Variants in PARP11 observed in about 807,000 individuals in gnomAD.
PARP11 encodes protein mono-ADP-ribosyltransferase PARP11.
Under a neutral mutation model 42.9 loss-of-function variants are expected in PARP11, and 31 were observed. That is an observed-to-expected ratio of 0.72 (90% CI 0.54 to 0.98). The LOEUF is 0.98. Ranked by LOEUF, PARP11 falls within the 50% of genes least tolerant of loss-of-function variation. The pLI, the probability that PARP11 is intolerant of heterozygous loss-of-function variation, is 0.00. For missense variants in PARP11, 365 were observed against 413.1 expected, an observed-to-expected ratio of 0.88 and a Z score of 1.01; for synonymous variants, 137 against 127.3, an observed-to-expected ratio of 1.08 and a Z score of -0.51.
At chr12:3,851,993 G>A (rs573061734) in intron 1 of PARP11, among the ~76,000 whole-genome samples, 1 of 152,348 alleles carries the variant, frequency 6.6e-6, no homozygotes, top group South Asian at 2.1e-4. Context: ...AGGCAAACAG[G>A]TTCTGGAGTG....
Position 3,840,823 on chromosome 12 carries a change from A to G in PARP11, c.19-10805T>C. 1 of 1,595,022 alleles carries G rather than the reference A, an allele frequency of 6.3e-7. No homozygotes were observed. Among genetic ancestry groups the G allele is most frequent in the Non-Finnish European group, 8.6e-7 (1 of 1,162,544 alleles). On this transcript the variant is annotated intron_variant, in intron 1 of 7. Transcript: ENST00000228820. The surrounding 1 kb of genome is among the most constrained non-coding windows in gnomAD (Gnocchi z 4.4). ...AACAGTTTCATCACCATCAAAGTCA[A>G]AGAAGTTAGAGTGCCCTTCTCCTGC...
intron 6 of PARP11, chr12:3,814,930 G>C (rs529742446): frequency 2.4e-6 from 1 of 411,300 alleles, no homozygotes; most frequent in African/African-American, 2.1e-5. Context: ...ATAATACTGT[G>C]TATTATGTAG....
intron 1 of PARP11, among the ~76,000 whole-genome samples, chr12:3,832,648 G>C (rs566434114): frequency 1.1e-4 from 17 of 152,300 alleles, no homozygotes; most frequent in African/African-American, 4.1e-4. Context: ...TATGCTCAAA[G>C]AGTTAAGTCA....
chr12:3,827,936 CTT>C (rs1947560717), intron 3 of PARP11, among the ~76,000 whole-genome samples: 1 of 152,230 alleles, frequency 6.6e-6, no homozygotes, highest in Non-Finnish European at 1.5e-5. Context: ...CCATCCAGGT[CTT>C]GTTTGCCTCT....
At position 3,810,800 on chromosome 12, in the gene PARP11, CAGA is replaced by C. The variant is rs1947162030; in HGVS notation, c.*1320_*1322del. ...GAGGAAGAGAAGAGGAAGAGGAAGA[CAGA>C]AGAGAAGAGAAAGAAGAGAAGAGAA... On this transcript the variant is annotated 3_prime_UTR_variant, in exon 8 of 8. Coordinates refer to ENST00000228820, the MANE Select transcript of PARP11 (RefSeq NM_020367.6). 6.7e-6 allele frequency: 1 copy of C among 148,992 alleles called. No individual in the cohort carries two copies. Among genetic ancestry groups the C allele is most frequent in the Non-Finnish European group, 1.5e-5 (1 of 67,388 alleles). The allele number at this position is 148,992 out of a possible 1,614,324, so 9.2% of individuals were successfully genotyped here.
chr12:3,867,565 T>A (rs1370720743), intron 1 of PARP11, among the ~76,000 whole-genome samples: 1 of 152,220 alleles, frequency 6.6e-6, no homozygotes, highest in Non-Finnish European at 1.5e-5. Context: ...CAAAATACCC[T>A]GATTTTTAAT....
intron 1 of PARP11, among the ~76,000 whole-genome samples, chr12:3,838,853 C>A (rs572928825): frequency 1.3e-5 from 2 of 152,266 alleles, no homozygotes; most frequent in East Asian, 1.9e-4. Flanking sequence ...GGGGAGCGCG[C>A]GGGGGACGCA....
chr12:3,830,250 C>T (rs1947608939), intron 1 of PARP11, among the ~76,000 whole-genome samples: 1 of 152,086 alleles, frequency 6.6e-6, no homozygotes, highest in African/African-American at 2.4e-5. Context: ...TAGAATATGC[C>T]AGTGTCTATT....
intron 1 of PARP11, among the ~76,000 whole-genome samples, chr12:3,837,295 C>T (rs1039482563): frequency 6.6e-5 from 10 of 152,068 alleles, no homozygotes; most frequent in African/African-American, 2.4e-4. Flanking sequence ...GCGTAAGGCA[C>T]CATCTAGTGC....
In PARP11 at chr12:3,826,210, T is replaced by C; in HGVS notation, c.292A>G (p.Thr98Ala). ...FAEMKQMNLT[T>A]GKQRLIKRAP... is the part of the protein sequence containing the mutation. ...CTTTTTATTAAGCGCTGCTTTCCAG[T>C]GGTGAGATTCATTTGCTTCATTTCT... The change falls in exon 4 of 8, where the codon ACT becomes GCT. Residue 98 changes from threonine (T) to alanine (A), a missense_variant. Thr to Ala is a moderately conservative substitution (Grantham distance 58). Transcript: ENST00000228820. 2 of 1,597,348 alleles carry C rather than the reference T, an allele frequency of 1.3e-6. No individual in the cohort carries two copies. The highest frequency in any genetic ancestry group is 1.7e-6 in the Non-Finnish European group (2 of 1,174,938).
chr12:3,840,259 C>T lies in PARP11; in HGVS notation c.19-10241G>A, dbSNP rs1947857740. The T allele has an allele frequency of 7.4e-6, 12 of 1,613,586 alleles. No individual in the cohort carries two copies. The South Asian group carries it at 8.8e-5, about 12-fold the overall frequency. On this transcript the variant is annotated intron_variant, in intron 1 of 7. Coordinates refer to ENST00000228820, the MANE Select transcript of PARP11 (RefSeq NM_020367.6). The surrounding 1 kb of genome is among the most constrained non-coding windows in gnomAD (Gnocchi z 4.4). ...GAATGGACCAGTTTTGGTTGAAGAA[C>T]TGGGAAAGTACACATCAAAGAACCT...
chr12:3,824,521 C>T (rs929542422), intron 4 of PARP11: 2 of 341,012 alleles, frequency 5.9e-6, no homozygotes, highest in African/African-American at 2.2e-5. Context: ...TGTATTCCCA[C>T]AGTAAATAAA....
At chr12:3,831,776 A>T (rs531136718) in intron 1 of PARP11, among the ~76,000 whole-genome samples, 2 of 152,300 alleles carry the variant, frequency 1.3e-5, no homozygotes, top group Admixed American at 6.5e-5. Flanking sequence ...TTTACCTTAT[A>T]TATTTTAACC....
Position 3,811,808 on chromosome 12 carries a change from C to T in PARP11, c.*315G>A, listed in dbSNP as rs564700843. On this transcript the variant is annotated 3_prime_UTR_variant, in exon 8 of 8. Transcript: ENST00000228820. ...AAATCATTTATCCTGATAACACACA[C>T]GTAAACTTTAAAGATCTCAATGACC... 28 of 275,760 alleles carry T rather than the reference C, an allele frequency of 1.0e-4. No homozygotes were observed. Among genetic ancestry groups the T allele is most frequent in the South Asian group, 6.3e-4 (5 of 7,900 alleles). The allele number at this position is 275,760 out of a possible 1,614,324, so 17.1% of individuals were successfully genotyped here.
intron 1 of PARP11, among the ~76,000 whole-genome samples, chr12:3,867,222 A>G (rs1298863270): frequency 1.3e-5 from 2 of 152,244 alleles, no homozygotes; most frequent in Non-Finnish European, 2.9e-5. Flanking sequence ...GGAGTCAACA[A>G]TATGCCTCCT....
At chr12:3,842,356 G>C in intron 1 of PARP11, 3 of 1,612,054 alleles carry the variant, frequency 1.9e-6, no homozygotes, top group Non-Finnish European at 2.5e-6. Flanking sequence ...TTCTGGTAGG[G>C]GCGGATATCA....
intron 1 of PARP11, among the ~76,000 whole-genome samples, chr12:3,858,038 G>A (rs1175704473): frequency 2.0e-5 from 3 of 152,200 alleles, no homozygotes; most frequent in Non-Finnish European, 4.4e-5. Flanking sequence ...TGAAGACATA[G>A]TCGTGCCTGA....
rs1947853836 is a variant in PARP11 at position 3,840,017 on chromosome 12, C to G, written c.19-9999G>C. The stretch of plus-strand genomic sequence containing the variant: ...CAGCTGAAGAACAATGGGAACTCTA[C>G]TAGCCTGCCTTTGGCTAGAAAGGTT... On this transcript the variant is annotated intron_variant, in intron 1 of 7. Transcript: ENST00000228820. The surrounding 1 kb of genome is among the most constrained non-coding windows in gnomAD (Gnocchi z 4.4). 1 of 1,602,932 alleles carries G rather than the reference C, an allele frequency of 6.2e-7. No homozygotes were observed. Among genetic ancestry groups the G allele is most frequent in the Admixed American group, 1.7e-5 (1 of 59,988 alleles).
chr12:3,872,821 G>T (rs7309844), intron 1 of PARP11: 31,148 of 985,014 alleles, frequency 0.032, 1,755 homozygotes, highest in African/African-American at 0.22. Flanking sequence ...AGGCAGTCGG[G>T]AGGCTGAGGC....
Sources: gnomAD v4.1 joint callset for allele counts (sites outside exome capture counted in the v4.1 genomes callset) on GRCh38, gnomAD v4.1.1 for gene constraint, Gnocchi (gnomAD v3.1) non-coding constraint, MANE v1.5 for transcripts, NCBI Gene and HGNC (gene_info 2026-07-23, HGNC 2026-07-21) for gene names.